TRIQK: variants seen among roughly 807,000 people sequenced by gnomAD.
TRIQK encodes the protein triple QxxK/R motif containing.
TRIQK carries 10 observed loss-of-function variants against 10.8 expected under a neutral mutation model. The observed-to-expected ratio is 0.92, with a 90% confidence interval of 0.57 to 1.57. TRIQK has a LOEUF of 1.57. TRIQK is among the 40% of genes most tolerant of loss of function. The pLI, the probability that TRIQK is intolerant of heterozygous loss-of-function variation, is 0.00. For missense variants in TRIQK, 107 were observed against 97.7 expected, an observed-to-expected ratio of 1.09 and a Z score of -0.40; for synonymous variants, 33 against 33.7, an observed-to-expected ratio of 0.98 and a Z score of 0.07.
At chr8:92,950,535 T>C (rs991195293) in intron 2 of TRIQK, among the ~76,000 whole-genome samples, 2 of 152,244 alleles carry the variant, frequency 1.3e-5, no homozygotes, top group African/African-American at 4.8e-5. Flanking sequence ...AGTTGTAAAC[T>C]TCTTGATGTT....
At position 92,890,611 on chromosome 8, in the gene TRIQK, TA is replaced by T. The variant is rs1380234417; in HGVS notation, c.147+1377del. On this transcript the variant is annotated intron_variant, in intron 4 of 4. Transcript: ENST00000521988. ...AATGTATAAAAAAGATGTGTGTGTA[TA>T]AAACTGGTATATAAATAAATAAATA... Among the ~76,000 whole-genome samples the T allele has an allele frequency of 2.6e-5, 4 of 151,746 alleles. No individual in the cohort carries two copies. The South Asian group carries it at 8.3e-4, about 31-fold the overall frequency.
chr8:93,004,777 C>G (rs1379035444), intron 1 of TRIQK, among the ~76,000 whole-genome samples: 1 of 152,196 alleles, frequency 6.6e-6, no homozygotes, highest in African/African-American at 2.4e-5. Context: ...TCCACAGATC[C>G]CTACAGCAGG....
At chr8:92,909,000 A>C (rs543561052) in intron 3 of TRIQK, among the ~76,000 whole-genome samples, 7 of 152,118 alleles carry the variant, frequency 4.6e-5, no homozygotes, top group African/African-American at 1.7e-4. Context: ...TACATATAAA[A>C]GTAACACAAT....
chr8:92,988,544 A>G (rs1813061986), intron 1 of TRIQK, among the ~76,000 whole-genome samples: 1 of 152,182 alleles, frequency 6.6e-6, no homozygotes, highest in Non-Finnish European at 1.5e-5. Context: ...TTCATTTTCA[A>G]GTGTTACAAT....
chr8:93,008,286 CTTAAAA>C (rs1459818536), intron 1 of TRIQK, among the ~76,000 whole-genome samples: 2 of 152,092 alleles, frequency 1.3e-5, no homozygotes, highest in South Asian at 2.1e-4. Flanking sequence ...TATCCTGGAA[CTTAAAA>C]TTAAATCAAA....
intron 1 of TRIQK, among the ~76,000 whole-genome samples, chr8:93,001,171 G>C (rs1813207214): frequency 6.6e-6 from 1 of 151,900 alleles, no homozygotes; most frequent in African/African-American, 2.4e-5. Flanking sequence ...GCGGGGCATG[G>C]TGGCGGGTAG....
chr8:92,987,551 C>T (rs975429298), intron 1 of TRIQK, among the ~76,000 whole-genome samples: 1 of 152,108 alleles, frequency 6.6e-6, no homozygotes, highest in Non-Finnish European at 1.5e-5. Context: ...TGAATACTAG[C>T]AGTCTTAAGA....
intron 2 of TRIQK, among the ~76,000 whole-genome samples, chr8:92,936,249 TG>T: frequency 6.6e-6 from 1 of 151,616 alleles, no homozygotes; most frequent in East Asian, 1.9e-4. Context: ...AAATCCAGTA[TG>T]TATAATCATA....
intron 1 of TRIQK, among the ~76,000 whole-genome samples, chr8:93,015,185 G>T (rs1340158016): frequency 6.6e-6 from 1 of 151,504 alleles, no homozygotes; most frequent in Non-Finnish European, 1.5e-5. Context: ...TTTTCCTTTT[G>T]TAATTAAAAA....
At chr8:93,003,943 C>T (rs1403802245) in intron 1 of TRIQK, among the ~76,000 whole-genome samples, 1 of 152,216 alleles carries the variant, frequency 6.6e-6, no homozygotes, top group Non-Finnish European at 1.5e-5. Context: ...TTAGGTAGCT[C>T]TCTCCCTGTG....
chr8:92,969,740 A>G (rs1812854887), upstream of TRIQK, among the ~76,000 whole-genome samples: 1 of 152,070 alleles, frequency 6.6e-6, no homozygotes, highest in African/African-American at 2.4e-5. Context: ...TAAATCTCCA[A>G]CTATGCTTGT....
At chr8:92,991,238 G>A (rs747855026) in intron 1 of TRIQK, among the ~76,000 whole-genome samples, 3 of 152,190 alleles carry the variant, frequency 2.0e-5, no homozygotes, top group Non-Finnish European at 2.9e-5. Flanking sequence ...TCTGAATAAA[G>A]GGCAGCAGCC....
At chr8:93,007,273 C>T (rs1409359621) in intron 1 of TRIQK, among the ~76,000 whole-genome samples, 3 of 152,148 alleles carry the variant, frequency 2.0e-5, no homozygotes, top group African/African-American at 7.2e-5. Flanking sequence ...CATAGGCCTA[C>T]GGGCCCTATG....
chr8:92,924,053 A>G (rs1364993406), intron 2 of TRIQK, among the ~76,000 whole-genome samples: 1 of 152,036 alleles, frequency 6.6e-6, no homozygotes, highest in Non-Finnish European at 1.5e-5. Flanking sequence ...TAATTATCTT[A>G]GTTTTTAAGG....
intron 1 of TRIQK, among the ~76,000 whole-genome samples, chr8:93,009,284 T>G (rs764988207): frequency 3.3e-5 from 5 of 152,148 alleles, no homozygotes; most frequent in Non-Finnish European, 7.4e-5. Context: ...AATGAAATAT[T>G]ACCTTACTCC....
intron 1 of TRIQK, among the ~76,000 whole-genome samples, chr8:92,964,674 G>A (rs1812645207): frequency 6.6e-6 from 1 of 150,460 alleles, no homozygotes; most frequent in Admixed American, 6.6e-5. Context: ...ACTTATACGT[G>A]TTTATAAATT....
At chr8:92,958,804 T>C (rs1433350424) in intron 1 of TRIQK, among the ~76,000 whole-genome samples, 1 of 152,136 alleles carries the variant, frequency 6.6e-6, no homozygotes, top group East Asian at 1.9e-4. Context: ...AGGCTTTGGA[T>C]GTCAAGAGGG....
chr8:93,007,520 G>A (rs1217588797), intron 1 of TRIQK, among the ~76,000 whole-genome samples: 3 of 152,212 alleles, frequency 2.0e-5, no homozygotes, highest in South Asian at 4.1e-4. Flanking sequence ...GAACTGGGCC[G>A]AGGCTGAGAT....
intron 1 of TRIQK, among the ~76,000 whole-genome samples, chr8:93,002,927 A>G (rs1030718730): frequency 1.3e-5 from 2 of 152,034 alleles, no homozygotes; most frequent in African/African-American, 4.8e-5. Flanking sequence ...TCTCAAAAAA[A>G]AAAAAAACCT....
Sources: gnomAD v4.1 joint callset for allele counts (sites outside exome capture counted in the v4.1 genomes callset) on GRCh38, gnomAD v4.1.1 for gene constraint, MANE v1.5 for transcripts, NCBI Gene and HGNC (gene_info 2026-07-23, HGNC 2026-07-21) for gene names.